Variants in EPN1 observed in about 807,000 individuals in gnomAD.
EPN1 encodes epsin-1.
EPN1 carries 25 observed loss-of-function variants against 56.9 expected under a neutral mutation model. The observed-to-expected ratio is 0.44, with a 90% CI of 0.32 to 0.61. The LOEUF (loss-of-function observed/expected upper bound fraction) is 0.61. Ranked by LOEUF, EPN1 falls within the 20% of genes least tolerant of loss-of-function variation. The pLI is 0.05. For missense variants in EPN1, 785 were observed against 823.7 expected (o/e 0.95, Z 0.58); for synonymous variants, 411 against 361.8 (o/e 1.14, Z -1.54).
At position 55,709,158 on chromosome 19, in the gene EPN1, T is replaced by C. The variant is rs1054213278; in HGVS notation, c.*13802T>C. On this transcript the variant is annotated 3_prime_UTR_variant, in exon 11 of 11. Transcript: ENST00000270460. ...CTCTTTATTCTTTCCTAGAAATCACTGGGAGAATTGTACTGAATTTGAAAA... is the reference window on the plus strand; with the variant it reads ...CTCTTTATTCTTTCCTAGAAATCACCGGGAGAATTGTACTGAATTTGAAAA... 4.4e-6 allele frequency: 3 copies of C among 687,048 alleles called. No individual in the cohort carries two copies. The African/African-American group carries it at 5.7e-5, about 13-fold the overall frequency. 42.6% of individuals were successfully genotyped at this position (687,048 alleles called of 1,614,324 possible).
chr19:55,694,576 G>C lies in EPN1; in HGVS notation c.1265-150G>C, dbSNP rs527479843. ...ACGTGAGGTTTTGGCCTGGGCAAGC[G>C]ATGCTTCCGCTCTGCACCTCAGTTC... On this transcript the variant is annotated intron_variant, in intron 9 of 10. Transcript: ENST00000270460. This position sits in a 1 kb window ranked among gnomAD's most constrained non-coding sequence, Gnocchi z 4.2. The C allele has an allele frequency of 1.5e-5, 15 of 970,384 alleles. No homozygotes were observed. The highest frequency in any genetic ancestry group is 2.1e-5 in the Non-Finnish European group (15 of 705,186). 60.1% of individuals were successfully genotyped at this position (970,384 alleles called of 1,614,324 possible).
In EPN1 at chr19:55,707,167, A is replaced by G. The variant is rs1321106980; in HGVS notation, c.*11811A>G. ...CTGCACTCCAGCCTGGGCGAGCAAC[A>G]GAGTGAGGCTGTCTCTCAAAAAAAA... On this transcript the variant is annotated 3_prime_UTR_variant, in exon 11 of 11. Transcript: ENST00000270460. 3 of 150,630 alleles carry G rather than the reference A, an allele frequency of 2.0e-5. No homozygotes were observed. The highest frequency in any genetic ancestry group is 4.4e-5 in the Non-Finnish European group (3 of 67,742). 9.3% of individuals were successfully genotyped at this position (150,630 alleles called of 1,614,324 possible).
At chr19:55,677,566 T>C in intron 1 of EPN1, 1 of 1,537,042 alleles carries the variant, frequency 6.5e-7, no homozygotes, top group Non-Finnish European at 8.8e-7. Flanking sequence ...AGTCTTTGCA[T>C]GCAGTGTTGA....
chr19:55,690,674 C>T (rs895790546), intron 6 of EPN1, among the ~76,000 whole-genome samples: 23 of 152,198 alleles, frequency 1.5e-4, no homozygotes, highest in South Asian at 4.1e-4. Context: ...ACAAGCTCGT[C>T]GGGCTGGGTT....
chr19:55,702,543 CTG>C lies in EPN1; in HGVS notation c.*7191_*7192del, dbSNP rs1987192862. The stretch of plus-strand genomic sequence containing the variant: ...CCAAGTCTGTGCCCGAGTTGCTTAT[CTG>C]TGTTTTACAGCCTGAAAGATCAGGC... On this transcript the variant is annotated 3_prime_UTR_variant, in exon 11 of 11. Transcript: ENST00000270460. 6.6e-6 allele frequency: 1 copy of C among 152,332 alleles called. No individual in the cohort carries two copies. Among genetic ancestry groups the C allele is most frequent in the East Asian group, 1.9e-4 (1 of 5,176 alleles). 9.4% of individuals were successfully genotyped at this position (152,332 alleles called of 1,614,324 possible). A position where few individuals can be genotyped will look rare whatever the true frequency, so the allele number is the denominator to read the frequency against.
rs1404351060 is a variant in EPN1 at position 55,698,299 on chromosome 19, TC to T, written c.*2948del. ...CAGATGTGCTTCTGACCCGACGTCT[TC>T]CCCCAGAGAGGGCTGAAGTGGAAAA... On this transcript the variant is annotated 3_prime_UTR_variant, in exon 11 of 11. Coordinates refer to ENST00000270460, the MANE Select transcript of EPN1 (RefSeq NM_001130072.2). 1 of 152,006 alleles carries T rather than the reference TC, an allele frequency of 6.6e-6. No homozygotes were observed. Among genetic ancestry groups the T allele is most frequent in the Non-Finnish European group, 1.5e-5 (1 of 68,078 alleles). The allele number at this position is 152,006 out of a possible 1,614,324, so 9.4% of individuals were successfully genotyped here.
rs956033896 is a variant in EPN1 at position 55,694,926 on chromosome 19, A to G, written c.1465A>G (p.Ser489Gly). ...AALVDLDSLV[S>G]RPGPTPPGAK... Reference sequence around the variant, plus strand: ...CCTCGTCGACCTGGACTCGCTGGTGAGCCGGCCGGGCCCCACGCCGCCTGG... The same window carrying G: ...CCTCGTCGACCTGGACTCGCTGGTGGGCCGGCCGGGCCCCACGCCGCCTGG... Residue 489 changes from serine to glycine, a missense_variant, in exon 10 of 11, where the codon AGC becomes GGC. By Grantham distance (56) the Ser-to-Gly change is moderately conservative. Around this residue, in one of 2 missense-constraint regions of EPN1, gnomAD observed 650 missense variants for 605.0 expected, o/e 1.07. Transcript: ENST00000270460. The surrounding 1 kb of genome is among the most constrained non-coding windows in gnomAD (Gnocchi z 4.2). 3.8e-6 allele frequency: 6 copies of G among 1,568,746 alleles called. No individual in the cohort carries two copies. In the Admixed American group the frequency reaches 1.1e-4, roughly 29 times the overall value.
intron 2 of EPN1, chr19:55,680,607 G>A (rs1449685370): frequency 1.3e-5 from 2 of 152,336 alleles, no homozygotes; most frequent in African/African-American, 4.8e-5. Flanking sequence ...CCTGAGAGCA[G>A]CTTTGTGAGG....
rs987907794 is a variant in EPN1 at position 55,708,532 on chromosome 19, C to A, written c.*13176C>A. 3.8e-5 allele frequency: 6 copies of A among 159,224 alleles called. No homozygotes were observed. Among genetic ancestry groups the A allele is most frequent in the Admixed American group, 6.5e-5 (1 of 15,478 alleles). The allele number at this position is 159,224 out of a possible 1,614,324, so 9.9% of individuals were successfully genotyped here. Reference sequence around the variant, plus strand: ...ATGCTAGCAATACAATCTATAGACACATTCTAGCATCACTTCTGTGTCAGA... The same window carrying A: ...ATGCTAGCAATACAATCTATAGACAAATTCTAGCATCACTTCTGTGTCAGA... On this transcript the variant is annotated 3_prime_UTR_variant, in exon 11 of 11. Coordinates refer to ENST00000270460, the MANE Select transcript of EPN1 (RefSeq NM_001130072.2).
In EPN1 at chr19:55,702,036, A is replaced by G. The variant is rs1251538828; in HGVS notation, c.*6680A>G. On this transcript the variant is annotated 3_prime_UTR_variant, in exon 11 of 11. Transcript: ENST00000270460. ...GAGTGCAGTGGTGTCATCTTGGCTC[A>G]CTGCAACCTCCGCCTCCCAGGTTCA... 1 of 136,000 alleles carries G rather than the reference A, an allele frequency of 7.4e-6. No individual in the cohort carries two copies. The highest frequency in any genetic ancestry group is 1.5e-5 in the Non-Finnish European group (1 of 65,904). 8.4% of individuals were successfully genotyped at this position (136,000 alleles called of 1,614,324 possible).
chr19:55,683,053 C>T (rs576515583), intron 2 of EPN1, among the ~76,000 whole-genome samples: 2 of 151,024 alleles, frequency 1.3e-5, no homozygotes, highest in South Asian at 4.2e-4. Context: ...CCGCGCCCAG[C>T]CTGTTTTTTG....
intron 6 of EPN1, among the ~76,000 whole-genome samples, chr19:55,690,408 G>A (rs1986463726): frequency 6.6e-6 from 1 of 152,266 alleles, no homozygotes; most frequent in Non-Finnish European, 1.5e-5. Flanking sequence ...CACTGTTTCT[G>A]TGGCGTCCCC....
chr19:55,694,701 G>A lies in EPN1; in HGVS notation c.1265-25G>A, dbSNP rs752144339. Reference sequence around the variant, plus strand: ...AGCCTCACTGCTGTCTGCCCTGTCTGAGCCCCTCTCCCGGATCCTTCCAGG... The same window carrying A: ...AGCCTCACTGCTGTCTGCCCTGTCTAAGCCCCTCTCCCGGATCCTTCCAGG... On this transcript the variant is annotated intron_variant, in intron 9 of 10. Coordinates refer to ENST00000270460, the MANE Select transcript of EPN1 (RefSeq NM_001130072.2). This position sits in a 1 kb window ranked among gnomAD's most constrained non-coding sequence, Gnocchi z 4.2. 9.8e-6 allele frequency: 15 copies of A among 1,537,848 alleles called. No individual in the cohort carries two copies. The highest frequency in any genetic ancestry group is 1.1e-5 in the Non-Finnish European group (13 of 1,142,098).
chr19:55,683,086 G>A (rs1193987158), intron 2 of EPN1, among the ~76,000 whole-genome samples: 1 of 148,878 alleles, frequency 6.7e-6, no homozygotes, highest in Non-Finnish European at 1.5e-5. Context: ...ATGGAGTTTC[G>A]CTCTTGTTGC....
In EPN1 at chr19:55,708,860, C is replaced by A. The variant is rs1048574758; in HGVS notation, c.*13504C>A. On this transcript the variant is annotated 3_prime_UTR_variant, in exon 11 of 11. Coordinates refer to ENST00000270460, the MANE Select transcript of EPN1 (RefSeq NM_001130072.2). ...GGATAGAGGTGCCAGGTGAAGGTCCCACTGTGGCCAAGGAAAGCCTTTGTG... is the reference window on the plus strand; with the variant it reads ...GGATAGAGGTGCCAGGTGAAGGTCCAACTGTGGCCAAGGAAAGCCTTTGTG... 2.7e-5 allele frequency: 38 copies of A among 1,386,858 alleles called. No homozygotes were observed. The highest frequency in any genetic ancestry group is 3.5e-5 in the Non-Finnish European group (36 of 1,037,390). 85.9% of individuals were successfully genotyped at this position (1,386,858 alleles called of 1,614,324 possible).
intron 1 of EPN1, chr19:55,677,239 GGC>G: frequency 7.4e-7 from 1 of 1,349,276 alleles, no homozygotes; most frequent in African/African-American, 1.5e-5. Context: ...CTGGGCAAGG[GGC>G]TGAACCTCTG....
chr19:55,677,885 C>A (rs1373663485), intron 1 of EPN1, among the ~76,000 whole-genome samples: 1 of 152,210 alleles, frequency 6.6e-6, no homozygotes, highest in Admixed American at 6.5e-5. Context: ...GCATGGTTTA[C>A]TGAATGGTTT....
chr19:55,686,856 TG>T (rs1401418512), intron 3 of EPN1, among the ~76,000 whole-genome samples: 48 of 150,092 alleles, frequency 3.2e-4, no homozygotes, highest in South Asian at 3.2e-3. Flanking sequence ...GGAGGGACAT[TG>T]GCAGTAGCTC....
Position 55,684,101 on chromosome 19 carries a change from G to A in EPN1, c.229-1295G>A, listed in dbSNP as rs190632899. Among the ~76,000 whole-genome samples the A allele has an allele frequency of 1.2e-4, 19 of 152,298 alleles. No individual in the cohort carries two copies. In the East Asian group the frequency reaches 3.5e-3, roughly 28 times the overall value. The stretch of plus-strand genomic sequence containing the variant: ...TTTCGTGTAAATACCTTGAGGGCCG[G>A]TTAAAGACTAATCTCTGATTACACT... On this transcript the variant is annotated intron_variant, in intron 2 of 10. Coordinates refer to ENST00000270460, the MANE Select transcript of EPN1 (RefSeq NM_001130072.2).
Sources: allele counts gnomAD v4.1 joint callset (sites outside exome capture counted in the v4.1 genomes callset), GRCh38; gene constraint gnomAD v4.1.1; regional missense constraint gnomAD v4.1.1; non-coding constraint Gnocchi (gnomAD v3.1); transcripts MANE v1.5; gene names NCBI Gene and HGNC (gene_info 2026-07-23, HGNC 2026-07-21).